CDH2: variants seen among roughly 807,000 people sequenced by gnomAD.
CDH2 encodes the protein cadherin-2.
A neutral mutation model predicts 92.0 loss-of-function variants in CDH2; 17 were observed. That is an observed-to-expected ratio of 0.18 (90% confidence interval 0.13 to 0.28). The LOEUF is 0.28. Among genes scored for constraint, CDH2 ranks in the 10% least tolerant of loss-of-function variants. The pLI is 1.00. For synonymous variants in CDH2, 419 were observed against 415.9 expected (o/e 1.01, Z -0.09); for missense variants, 862 against 1,133.1 (o/e 0.76, Z 3.44).
At chr18:28,063,500 G>A (rs1025334747) in intron 2 of CDH2, among the ~76,000 whole-genome samples, 1 of 152,322 alleles carries the variant, frequency 6.6e-6, no homozygotes, top group Middle Eastern at 3.4e-3. Context: ...GTTATTTATA[G>A]TGGCACACAC....
At chr18:28,086,993 T>C (rs1420754487) in intron 2 of CDH2, among the ~76,000 whole-genome samples, 1 of 152,142 alleles carries the variant, frequency 6.6e-6, no homozygotes, top group Non-Finnish European at 1.5e-5. Flanking sequence ...GTTATCCACA[T>C]TGTGAAATTC....
chr18:28,170,432 G>A (rs566741932), intron 1 of CDH2, among the ~76,000 whole-genome samples: 3 of 152,170 alleles, frequency 2.0e-5, no homozygotes, highest in South Asian at 2.1e-4. Context: ...TGCAACCTCC[G>A]CCTCCCGGGT....
chr18:28,107,239 A>G (rs1022443721), intron 2 of CDH2, among the ~76,000 whole-genome samples: 4 of 151,876 alleles, frequency 2.6e-5, no homozygotes, highest in Non-Finnish European at 5.9e-5. Context: ...TTGTTATGTA[A>G]AGAAAGAAGA....
intron 2 of CDH2, among the ~76,000 whole-genome samples, chr18:28,103,788 G>A (rs926096464): frequency 2.0e-5 from 3 of 152,026 alleles, no homozygotes; most frequent in African/African-American, 7.3e-5. Context: ...TGCTCAGAAT[G>A]ATGGTTTCCA....
intron 6 of CDH2, among the ~76,000 whole-genome samples, chr18:27,938,754 C>T (rs905333898): frequency 7.2e-5 from 11 of 152,126 alleles, no homozygotes; most frequent in Non-Finnish European, 1.5e-4. Flanking sequence ...CTGAACAGCA[C>T]AGTGTTATAG....
chr18:28,053,052 G>C (rs2014223481), intron 2 of CDH2, among the ~76,000 whole-genome samples: 1 of 152,112 alleles, frequency 6.6e-6, no homozygotes, highest in African/African-American at 2.4e-5. Flanking sequence ...ACCATGTGAG[G>C]ACACAGCTAG....
chr18:28,134,193 C>A (rs1463648139), intron 2 of CDH2, among the ~76,000 whole-genome samples: 1 of 149,786 alleles, frequency 6.7e-6, no homozygotes, highest in African/African-American at 2.5e-5. Context: ...TCACTTGAAC[C>A]CAGGAGGCAG....
intron 15 of CDH2, among the ~76,000 whole-genome samples, chr18:27,953,508 T>C (rs9945664): frequency 0.13 from 19,874 of 152,190 alleles, 1,682 homozygotes; most frequent in African/African-American, 0.24. Flanking sequence ...CTATCTAAGA[T>C]GTGTCACAGA....
At chr18:28,050,120 A>C (rs1176704868) in intron 2 of CDH2, among the ~76,000 whole-genome samples, 1 of 152,168 alleles carries the variant, frequency 6.6e-6, no homozygotes, top group Non-Finnish European at 1.5e-5. Context: ...TTGGCTCACA[A>C]ATGCAGGAGC....
rs138074879 is a variant in CDH2, at chr18:27,968,549, C to T, written c.2350-5028G>A. On this transcript the variant is annotated intron_variant, in intron 14 of 15. Coordinates refer to ENST00000269141, the MANE Select transcript of CDH2 (RefSeq NM_001792.5). ...ACTGTTGTTTAGGCAGGAAGGAATC[C>T]TCACTTAGGTCAAATAAGAGTCTGA... 5.9e-5 allele frequency among the ~76,000 whole-genome samples: 9 copies of T among 152,250 alleles called. No homozygotes were observed. The East Asian group carries it at 1.7e-3, about 29-fold the overall frequency.
chr18:28,107,217 AATAAT>A (rs1388620892), intron 2 of CDH2, among the ~76,000 whole-genome samples: 5 of 151,692 alleles, frequency 3.3e-5, no homozygotes, highest in Non-Finnish European at 1.5e-5. Context: ...ATATAATATA[AATAAT>A]ATATTATTGT....
intron 14 of CDH2, 128 bp downstream of exon 14, chr18:27,982,816 C>A: frequency 6.1e-6 from 3 of 493,622 alleles, no homozygotes; most frequent in South Asian, 1.1e-4. Flanking sequence ...ACATAGGAAA[C>A]AATTTACCAA....
At chr18:28,018,226 A>G (rs1475207690) in intron 2 of CDH2, among the ~76,000 whole-genome samples, 2 of 152,142 alleles carry the variant, frequency 1.3e-5, no homozygotes, top group Non-Finnish European at 2.9e-5. Context: ...TGCTGAAAAA[A>G]ATCACAGATG....
intron 2 of CDH2, among the ~76,000 whole-genome samples, chr18:28,121,176 A>G (rs11083249): frequency 6.6e-6 from 1 of 152,036 alleles, no homozygotes; most frequent in Non-Finnish European, 1.5e-5. Flanking sequence ...CCAGGGGTTT[A>G]GGGTCAATAG....
At chr18:27,967,816 G>A (rs1026810221) in intron 14 of CDH2, among the ~76,000 whole-genome samples, 7 of 152,186 alleles carry the variant, frequency 4.6e-5, no homozygotes, top group African/African-American at 1.4e-4. Context: ...AAGTTAGCAT[G>A]ACTTGCAATG....
intron 2 of CDH2, among the ~76,000 whole-genome samples, chr18:28,074,149 C>T (rs961008919): frequency 5.3e-5 from 8 of 151,968 alleles, no homozygotes; most frequent in African/African-American, 1.5e-4. Flanking sequence ...CAAAGAGGTA[C>T]AAAGTAGTCA....
intron 1 of CDH2, among the ~76,000 whole-genome samples, chr18:28,152,443 C>T (rs1340305438): frequency 6.6e-6 from 1 of 152,122 alleles, no homozygotes; most frequent in Non-Finnish European, 1.5e-5. Flanking sequence ...TGAGCAAAGC[C>T]CAGGGCAGGG....
intron 1 of CDH2, among the ~76,000 whole-genome samples, chr18:28,158,270 C>T (rs1191235660): frequency 6.6e-6 from 1 of 152,234 alleles, no homozygotes; most frequent in African/African-American, 2.4e-5. Context: ...CGCCAGAGTT[C>T]AAAGCCTTTC....
intron 2 of CDH2, among the ~76,000 whole-genome samples, chr18:28,118,989 T>C (rs2015542142): frequency 6.6e-6 from 1 of 152,134 alleles, no homozygotes; most frequent in Admixed American, 6.6e-5. Flanking sequence ...ACATGTCCTA[T>C]ATACCACAGA....
Sources: allele counts gnomAD v4.1 joint callset (sites outside exome capture counted in the v4.1 genomes callset), GRCh38; gene constraint gnomAD v4.1.1; transcripts MANE v1.5; gene names NCBI Gene and HGNC (gene_info 2026-07-23, HGNC 2026-07-21).